Variants in GABRA2 observed in about 807,000 individuals in gnomAD.
The protein encoded by GABRA2 is gamma-aminobutyric acid type A receptor subunit alpha2.
Under a neutral mutation model 48.7 loss-of-function variants are expected in GABRA2, and 16 were observed. That is an observed-to-expected ratio of 0.33 (90% confidence interval 0.22 to 0.50). The LOEUF is 0.50. Ranked by LOEUF, GABRA2 falls within the 20% of genes least tolerant of loss-of-function variation. The pLI is 0.98. For synonymous variants in GABRA2, 185 were observed against 184.5 expected (o/e 1.00, Z -0.02); for missense variants, 275 against 535.6 (o/e 0.51, Z 4.80).
At chr4:46,324,060 G>A (rs896053389) in intron 4 of GABRA2, among the ~76,000 whole-genome samples, 1 of 151,706 alleles carries the variant, frequency 6.6e-6, no homozygotes, top group East Asian at 1.9e-4. Context: ...CTTCAACCAC[G>A]CTGCTTAAAA....
At chr4:46,319,441 C>T (rs184240024) in intron 4 of GABRA2, among the ~76,000 whole-genome samples, 14 of 151,758 alleles carry the variant, frequency 9.2e-5, no homozygotes. Flanking sequence ...GTCTATGAAG[C>T]AGGTATGCAA....
At chr4:46,291,526 C>A (rs1243097067) in intron 8 of GABRA2, among the ~76,000 whole-genome samples, 1 of 152,018 alleles carries the variant, frequency 6.6e-6, no homozygotes, top group East Asian at 1.9e-4. Context: ...TCTAGGTAGG[C>A]AAGATCTAAT....
At chr4:46,306,899 G>A in intron 6 of GABRA2, among the ~76,000 whole-genome samples, 1 of 152,040 alleles carries the variant, frequency 6.6e-6, no homozygotes, top group Admixed American at 6.6e-5. Flanking sequence ...TAGAGTAAAT[G>A]ATTATGAGTT....
chr4:46,347,749 GT>G (rs1267231993), intron 3 of GABRA2, among the ~76,000 whole-genome samples: 1 of 151,758 alleles, frequency 6.6e-6, no homozygotes, highest in Non-Finnish European at 1.5e-5. Context: ...AAATAGAATT[GT>G]ATCAGACTAA....
chr4:46,269,327 T>A (rs776371987), intron 8 of GABRA2, among the ~76,000 whole-genome samples: 2 of 151,702 alleles, frequency 1.3e-5, no homozygotes, highest in African/African-American at 4.8e-5. Flanking sequence ...TATGTGTCAA[T>A]AGAGAATAAA....
chr4:46,270,831 C>T (rs976228359), intron 8 of GABRA2, among the ~76,000 whole-genome samples: 2 of 151,590 alleles, frequency 1.3e-5, no homozygotes, highest in African/African-American at 2.4e-5. Flanking sequence ...TAAAAATACA[C>T]GCTGAGAAGA....
At chr4:46,315,386 A>G (rs1380808962) in intron 4 of GABRA2, among the ~76,000 whole-genome samples, 1 of 151,874 alleles carries the variant, frequency 6.6e-6, no homozygotes, top group African/African-American at 2.4e-5. Context: ...TTCCAGAATT[A>G]TTATTTATCT....
chr4:46,368,905 A>T (rs918388607), intron 3 of GABRA2: 26 of 655,554 alleles, frequency 4.0e-5, no homozygotes, highest in Middle Eastern at 2.4e-4. Flanking sequence ...TGCTCCACTC[A>T]TTCCTTTATT....
Position 46,344,039 on chromosome 4 carries a change from T to C in GABRA2, c.188-11357A>G, listed in dbSNP as rs543649549. Among the ~76,000 whole-genome samples the C allele has an allele frequency of 4.6e-5, 7 of 152,122 alleles. No individual in the cohort carries two copies. In the South Asian group the frequency reaches 1.2e-3, roughly 27 times the overall value. On this transcript the variant is annotated intron_variant, in intron 3 of 9. Coordinates refer to ENST00000381620, the MANE Select transcript of GABRA2 (RefSeq NM_000807.4). ...GCCAGATAATAATGTTCCATGATGC[T>C]AGCTATTACTAGTGTTACTATTATA...
chr4:46,293,745 T>A (rs1724115803), intron 8 of GABRA2, among the ~76,000 whole-genome samples: 1 of 152,018 alleles, frequency 6.6e-6, no homozygotes, highest in South Asian at 2.1e-4. Context: ...AAAATGTAAA[T>A]CAAAAACAAT....
chr4:46,318,179 T>C (rs2109733240), intron 4 of GABRA2, among the ~76,000 whole-genome samples: 1 of 151,428 alleles, frequency 6.6e-6, no homozygotes, highest in African/African-American at 2.4e-5. Flanking sequence ...TAAACATTAA[T>C]TACTAGAAAT....
chr4:46,278,336 G>A (rs1352616877), intron 8 of GABRA2, among the ~76,000 whole-genome samples: 1 of 152,106 alleles, frequency 6.6e-6, no homozygotes, highest in African/African-American at 2.4e-5. Flanking sequence ...CTATGGGGTA[G>A]ATAGCATATG....
rs548204175 is a variant in GABRA2 at position 46,377,348 on chromosome 4, G to T, written c.187+8726C>A. Among the ~76,000 whole-genome samples, 1,279 of 150,170 alleles carry T rather than the reference G, an allele frequency of 8.5e-3. 17 individuals carry two copies. The highest frequency in any genetic ancestry group is 0.029 in the African/African-American group (1,185 of 40,616). On this transcript the variant is annotated intron_variant, in intron 3 of 9. Transcript: ENST00000381620. The stretch of plus-strand genomic sequence containing the variant: ...AAGTGAGGAGCGTCTCTGCCCAGCC[G>T]CCCATCGTCTGAGATGTGGGGAGCA...
chr4:46,331,391 TA>T (rs1427501220), intron 4 of GABRA2, among the ~76,000 whole-genome samples: 1 of 152,116 alleles, frequency 6.6e-6, no homozygotes, highest in Non-Finnish European at 1.5e-5. Flanking sequence ...TTTTGTAACA[TA>T]AAAGTGGAAT....
chr4:46,293,276 C>T (rs1299619499), intron 8 of GABRA2, among the ~76,000 whole-genome samples: 2 of 152,144 alleles, frequency 1.3e-5, no homozygotes. Context: ...GAGCCAGAAC[C>T]CCTTGAATGA....
At chr4:46,354,839 G>T (rs367619624) in intron 3 of GABRA2, among the ~76,000 whole-genome samples, 1 of 152,064 alleles carries the variant, frequency 6.6e-6, no homozygotes, top group South Asian at 2.1e-4. Flanking sequence ...CAGCGTATCC[G>T]CTTGCCACTC....
intron 3 of GABRA2, among the ~76,000 whole-genome samples, chr4:46,372,657 C>T (rs1363767859): frequency 6.6e-6 from 1 of 152,156 alleles, no homozygotes; most frequent in Non-Finnish European, 1.5e-5. Context: ...ATGATGAAGG[C>T]TACTATGATA....
chr4:46,275,280 G>A (rs1321205877), intron 8 of GABRA2, among the ~76,000 whole-genome samples: 2 of 152,070 alleles, frequency 1.3e-5, no homozygotes, highest in Non-Finnish European at 2.9e-5. Context: ...GGATTTAGCA[G>A]GCTTTTTAAC....
At chr4:46,325,799 C>A (rs1267971121) in intron 4 of GABRA2, among the ~76,000 whole-genome samples, 3 of 151,978 alleles carry the variant, frequency 2.0e-5, no homozygotes, top group Non-Finnish European at 4.4e-5. Flanking sequence ...ATATGGCTAG[C>A]CAGTTATCCT....
Sources: allele counts gnomAD v4.1 joint callset (sites outside exome capture counted in the v4.1 genomes callset), GRCh38; gene constraint gnomAD v4.1.1; transcripts MANE v1.5; gene names NCBI Gene and HGNC (gene_info 2026-07-23, HGNC 2026-07-21).